INSR: variants seen among roughly 807,000 people sequenced by gnomAD.
The protein encoded by INSR is insulin receptor.
INSR carries 67 observed loss-of-function variants against 142.6 expected under a neutral mutation model. The ratio of observed to expected loss-of-function variants is 0.47; its 90% CI spans 0.39 to 0.58. The LOEUF is 0.58. Ranked by LOEUF, INSR falls within the 20% of genes least tolerant of loss-of-function variation. INSR has a pLI of 0.00. For synonymous variants in INSR, 756 were observed against 743.1 expected, an observed-to-expected ratio of 1.02 and a Z score of -0.28; for missense variants, 1,248 against 1,833.2, an observed-to-expected ratio of 0.68 and a Z score of 5.83.
chr19:7,233,047 G>A (rs1321589638), intron 2 of INSR, among the ~76,000 whole-genome samples: 3 of 151,992 alleles, frequency 2.0e-5, no homozygotes, highest in East Asian at 2.0e-4. Context: ...GTGCAGTGGC[G>A]CCACCTCGCC....
rs1973314396 is a variant in INSR, at chr19:7,150,667, A to G, written c.2232-135T>C. On this transcript the variant is annotated intron_variant, in intron 10 of 21. Transcript: ENST00000302850. This position sits in a 1 kb window ranked among gnomAD's most constrained non-coding sequence, Gnocchi z 4.2. ...TGACCCTGGACCACTCGCTCCCATC[A>G]CTTGCTAGACGGAGTGAGCTACATC... 3.9e-6 allele frequency: 3 copies of G among 774,460 alleles called. No individual in the cohort carries two copies. The highest frequency in any genetic ancestry group is 6.8e-6 in the Non-Finnish European group (3 of 440,068). 48.0% of individuals were successfully genotyped at this position (774,460 alleles called of 1,614,324 possible).
intron 2 of INSR, among the ~76,000 whole-genome samples, chr19:7,222,401 TG>T (rs1342365193): frequency 4.6e-5 from 7 of 152,304 alleles, no homozygotes; most frequent in African/African-American, 1.7e-4. Context: ...CTTATTTTTT[TG>T]TTTTTTTAAG....
chr19:7,217,781 G>A (rs569292165), intron 2 of INSR, among the ~76,000 whole-genome samples: 12 of 152,188 alleles, frequency 7.9e-5, no homozygotes, highest in East Asian at 1.9e-4. Context: ...GGATGGTCTC[G>A]ATCTCCTGAC....
chr19:7,160,116 T>C (rs1568455593), intron 9 of INSR, among the ~76,000 whole-genome samples: 1 of 151,290 alleles, frequency 6.6e-6, no homozygotes, highest in Non-Finnish European at 1.5e-5. Context: ...CTGGGCAACA[T>C]ATCAAGATCC....
intron 2 of INSR, among the ~76,000 whole-genome samples, chr19:7,260,876 A>G (rs1977037433): frequency 7.3e-6 from 1 of 137,076 alleles, no homozygotes; most frequent in African/African-American, 3.1e-5. Flanking sequence ...GCCTCAAAGA[A>G]CTTCTTTTTT....
chr19:7,204,147 A>G (rs544610084), intron 2 of INSR, among the ~76,000 whole-genome samples: 1 of 151,852 alleles, frequency 6.6e-6, no homozygotes, highest in African/African-American at 2.4e-5. Flanking sequence ...GGTTCAAGCA[A>G]TTCTCCTGCC....
intron 2 of INSR, among the ~76,000 whole-genome samples, chr19:7,210,013 C>CA (rs936516000): frequency 1.6e-4 from 25 of 151,948 alleles, no homozygotes; most frequent in African/African-American, 5.1e-4. Context: ...ACAGAAGAAA[C>CA]AGAGATTCAA....
chr19:7,258,375 C>T (rs1976960006), intron 2 of INSR, among the ~76,000 whole-genome samples: 2 of 150,040 alleles, frequency 1.3e-5, no homozygotes, highest in South Asian at 4.2e-4. Context: ...CACCCCACTG[C>T]ACTCCAGCCC....
At chr19:7,219,536 G>C (rs565793451) in intron 2 of INSR, among the ~76,000 whole-genome samples, 1 of 122,220 alleles carries the variant, frequency 8.2e-6, no homozygotes, top group African/African-American at 3.3e-5. Flanking sequence ...AAGGAAGGAA[G>C]GGAGGGAGGG....
At chr19:7,269,891 C>T (rs67427762) in intron 1 of INSR, among the ~76,000 whole-genome samples, 19,479 of 151,964 alleles carry the variant, frequency 0.13, 1,378 homozygotes, top group Middle Eastern at 0.19. Context: ...ATAAGTATAT[C>T]CCATGTAATG....
chr19:7,194,662 G>A (rs1429233322), intron 2 of INSR, among the ~76,000 whole-genome samples: 1 of 143,602 alleles, frequency 7.0e-6, no homozygotes, highest in African/African-American at 2.6e-5. Context: ...ACAGGCACAC[G>A]CCACCACACC....
At chr19:7,154,554 G>C (rs937981958) in intron 9 of INSR, among the ~76,000 whole-genome samples, 2 of 150,510 alleles carry the variant, frequency 1.3e-5, no homozygotes, top group African/African-American at 4.9e-5. Flanking sequence ...TGCCCGCCTT[G>C]GCCTCCCAAA....
intron 2 of INSR, among the ~76,000 whole-genome samples, chr19:7,196,899 T>G (rs972155616): frequency 3.9e-5 from 6 of 152,324 alleles, no homozygotes; most frequent in South Asian, 4.1e-4. Context: ...CCCGCGGCTC[T>G]CCCTATAAGT....
intron 2 of INSR, among the ~76,000 whole-genome samples, chr19:7,253,101 G>A (rs1405597696): frequency 6.0e-5 from 8 of 134,356 alleles, no homozygotes; most frequent in Middle Eastern, 3.7e-3. Context: ...GTGACAGAGT[G>A]AGACTCCGCC....
At chr19:7,124,279 T>G (rs10418684) in intron 17 of INSR, among the ~76,000 whole-genome samples, 136,136 of 149,836 alleles carry the variant, frequency 0.91, 61,828 homozygotes, top group East Asian at 1. Flanking sequence ...TGAGGCAGGA[T>G]AATTGCTTGA....
At chr19:7,268,020 C>G in intron 1 of INSR, 124 bp from the exon 2 acceptor site, 1 of 826,690 alleles carries the variant, frequency 1.2e-6, no homozygotes. Context: ...TCATCCCGGG[C>G]CCTGTAAACT....
At chr19:7,217,268 G>A (rs539170430) in intron 2 of INSR, among the ~76,000 whole-genome samples, 9 of 152,194 alleles carry the variant, frequency 5.9e-5, no homozygotes, top group South Asian at 2.1e-4. Flanking sequence ...TTTCTTGGCC[G>A]TAGCATTTCA....
chr19:7,281,623 A>G (rs1183976228), intron 1 of INSR, among the ~76,000 whole-genome samples: 1 of 151,960 alleles, frequency 6.6e-6, no homozygotes, highest in African/African-American at 2.4e-5. Context: ...CAGGGCTGCA[A>G]TGAGCCATAA....
Position 7,143,043 on chromosome 19 carries a change from A to G in INSR, c.2315T>C (p.Val772Ala). 2.5e-6 allele frequency: 4 copies of G among 1,614,204 alleles called. No homozygotes were observed. Among genetic ancestry groups the G allele is most frequent in the Non-Finnish European group, 3.4e-6 (4 of 1,180,046 alleles). ...RSLGDVGNVT[V>A]AVPTVAAFPN... ...GAAAGCTGCCACCGTGGGCACGGCC[A>G]CCGTCACATTCCCAACATCGCCAAG... Residue 772 changes from valine (V) to alanine (A), a missense_variant, in exon 12 of 22, where the codon GTG (valine) becomes GCG (alanine). Physicochemically the swap from Val to Ala is moderately conservative, Grantham distance 64. Coordinates refer to ENST00000302850, the MANE Select transcript of INSR (RefSeq NM_000208.4).
Sources: allele counts gnomAD v4.1 joint callset (sites outside exome capture counted in the v4.1 genomes callset), GRCh38; gene constraint gnomAD v4.1.1; non-coding constraint Gnocchi (gnomAD v3.1); transcripts MANE v1.5; gene names NCBI Gene and HGNC (gene_info 2026-07-23, HGNC 2026-07-21).